MACROD2: variants seen among roughly 807,000 people sequenced by gnomAD.
MACROD2 encodes mono-ADP ribosylhydrolase 2.
In MACROD2, 36 loss-of-function variants were observed where a neutral mutation model predicts 70.4. The observed-to-expected ratio is 0.51, with a 90% CI of 0.39 to 0.68. The LOEUF (loss-of-function observed/expected upper bound fraction) is 0.68. Ranked by LOEUF, MACROD2 falls within the 30% of genes least tolerant of loss-of-function variation. The pLI is 0.00. For missense variants in MACROD2, 496 were observed against 538.4 expected (o/e 0.92, Z 0.78); for synonymous variants, 172 against 178.8 (o/e 0.96, Z 0.30).
chr20:15,416,618 G>T (rs1006819694), intron 6 of MACROD2, among the ~76,000 whole-genome samples: 1 of 152,142 alleles, frequency 6.6e-6, no homozygotes, highest in Non-Finnish European at 1.5e-5. Flanking sequence ...AAAAGTGGCT[G>T]TATTGGCTGG....
At position 14,950,142 on chromosome 20, in the gene MACROD2, C is replaced by T. The variant is rs1488130921; in HGVS notation, c.418+265183C>T. ...TTCTGAAAAATCTAATTCTTGAAAA[C>T]GTGGGGCCAGGTTGAAGAGACAGGG... is the stretch of plus-strand genomic sequence containing the variant. On this transcript the variant is annotated intron_variant, in intron 5 of 17. Coordinates refer to ENST00000684519, the MANE Select transcript of MACROD2 (RefSeq NM_001351661.2). Among the ~76,000 whole-genome samples, 4 of 151,990 alleles carry T rather than the reference C, an allele frequency of 2.6e-5. 1 individual carries two copies. Among genetic ancestry groups the T allele is most frequent in the Non-Finnish European group, 5.9e-5 (4 of 68,010 alleles).
intron 13 of MACROD2, among the ~76,000 whole-genome samples, chr20:15,978,415 C>T (rs1218874469): frequency 3.3e-5 from 5 of 152,126 alleles, no homozygotes; most frequent in African/African-American, 1.2e-4. Context: ...TTGTAAATTC[C>T]TATATTGTAA....
intron 3 of MACROD2, among the ~76,000 whole-genome samples, chr20:14,152,428 ATTT>A (rs5840595): frequency 8.6e-5 from 11 of 127,426 alleles, no homozygotes; most frequent in Admixed American, 7.7e-5. Context: ...TCTCCTCTAC[ATTT>A]TTTTTTTTTT....
At chr20:15,241,938 A>C (rs1444079479) in intron 6 of MACROD2, among the ~76,000 whole-genome samples, 2 of 152,158 alleles carry the variant, frequency 1.3e-5, no homozygotes, top group Admixed American at 6.6e-5. Context: ...CATTAGGTTC[A>C]GGCTTTATTT....
intron 5 of MACROD2, among the ~76,000 whole-genome samples, chr20:15,179,563 C>T (rs2076486009): frequency 6.6e-6 from 1 of 152,182 alleles, no homozygotes; most frequent in Non-Finnish European, 1.5e-5. Context: ...ACCCTGCTTA[C>T]AAGACAGCTC....
chr20:15,768,557 C>T (rs1023085240), intron 8 of MACROD2, among the ~76,000 whole-genome samples: 1 of 152,162 alleles, frequency 6.6e-6, no homozygotes, highest in African/African-American at 2.4e-5. Flanking sequence ...CATTACCGCA[C>T]ACTGCTGTAG....
chr20:15,824,540 A>G lies in MACROD2; in HGVS notation c.646-38205A>G, dbSNP rs962769542. Among the ~76,000 whole-genome samples the G allele has an allele frequency of 2.6e-5, 4 of 152,136 alleles. No homozygotes were observed. In the East Asian group the frequency reaches 5.8e-4, roughly 22 times the overall value. On this transcript the variant is annotated intron_variant, in intron 8 of 17. Coordinates refer to ENST00000684519, the MANE Select transcript of MACROD2 (RefSeq NM_001351661.2). ...TTCACCCTTTATGCCCAGTCTGTGAAGTTCACTGCATGGTTACTGCAGCCT... is the reference window on the plus strand; with the variant it reads ...TTCACCCTTTATGCCCAGTCTGTGAGGTTCACTGCATGGTTACTGCAGCCT...
intron 3 of MACROD2, among the ~76,000 whole-genome samples, chr20:14,365,933 C>G (rs2083267687): frequency 6.6e-6 from 1 of 151,920 alleles, no homozygotes; most frequent in African/African-American, 2.4e-5. Flanking sequence ...TGTTATTGAT[C>G]TCTAGCTTCA....
intron 5 of MACROD2, among the ~76,000 whole-genome samples, chr20:15,155,516 T>TC (rs1230690086): frequency 6.6e-6 from 1 of 152,190 alleles, no homozygotes; most frequent in Non-Finnish European, 1.5e-5. Context: ...TCCTTTCCTT[T>TC]CTTCAGATTC....
chr20:14,430,369 G>C (rs529816860), intron 3 of MACROD2, among the ~76,000 whole-genome samples: 50 of 152,150 alleles, frequency 3.3e-4, no homozygotes, highest in Admixed American at 2.0e-3. Flanking sequence ...GAACATCTAG[G>C]AGACGGTTCT....
intron 3 of MACROD2, among the ~76,000 whole-genome samples, chr20:14,490,749 A>G (rs2084784879): frequency 6.6e-6 from 1 of 152,178 alleles, no homozygotes; most frequent in Admixed American, 6.5e-5. Context: ...AGGGACATAA[A>G]TATATTTTAG....
At chr20:15,754,797 T>C (rs1393157476) in intron 8 of MACROD2, among the ~76,000 whole-genome samples, 2 of 151,778 alleles carry the variant, frequency 1.3e-5, no homozygotes, top group Non-Finnish European at 2.9e-5. Context: ...TAATCTATGT[T>C]AGAATCACCT....
intron 3 of MACROD2, among the ~76,000 whole-genome samples, chr20:14,303,402 A>G (rs1206716416): frequency 6.6e-6 from 1 of 152,164 alleles, no homozygotes; most frequent in Non-Finnish European, 1.5e-5. Context: ...CAGTATTCAC[A>G]TCCCTTAGAT....
chr20:14,523,160 G>A (rs942780459), intron 4 of MACROD2, among the ~76,000 whole-genome samples: 5 of 152,016 alleles, frequency 3.3e-5, no homozygotes, highest in South Asian at 2.1e-4. Context: ...TAGAAAAAAG[G>A]AAGCAAAGGG....
chr20:14,305,704 G>GA (rs762366218), intron 3 of MACROD2, among the ~76,000 whole-genome samples: 13 of 151,812 alleles, frequency 8.6e-5, no homozygotes, highest in Admixed American at 1.3e-4. Context: ...TTAAATTGCA[G>GA]AAAAAAATAA....
chr20:14,051,946 G>A (rs2053573025), intron 2 of MACROD2: 1 of 516,804 alleles, frequency 1.9e-6, no homozygotes, highest in South Asian at 1.4e-5. Flanking sequence ...GGTTGAAGAA[G>A]TGGTGGAGGA....
intron 10 of MACROD2, among the ~76,000 whole-genome samples, chr20:15,891,171 A>C (rs2064884339): frequency 6.6e-6 from 1 of 152,178 alleles, no homozygotes; most frequent in African/African-American, 2.4e-5. Flanking sequence ...TTGATCTGAG[A>C]TTCAAAGGGT....
rs150613008 is a variant in MACROD2 at position 14,455,962 on chromosome 20, C to G, written c.272-37517C>G. 2.7e-4 allele frequency among the ~76,000 whole-genome samples: 41 copies of G among 151,744 alleles called. No individual in the cohort carries two copies. The East Asian group carries it at 7.4e-3, about 27-fold the overall frequency. On this transcript the variant is annotated intron_variant, in intron 3 of 17. Coordinates refer to ENST00000684519, the MANE Select transcript of MACROD2 (RefSeq NM_001351661.2). ...TGTCTCAGTCTTTGGGAAACACTGGCTTAAACAATCAATTACTAGGGAGTT... is the reference window on the plus strand; with the variant it reads ...TGTCTCAGTCTTTGGGAAACACTGGGTTAAACAATCAATTACTAGGGAGTT...
intron 5 of MACROD2, among the ~76,000 whole-genome samples, chr20:15,136,563 A>C (rs992281275): frequency 1.9e-4 from 29 of 152,332 alleles, no homozygotes; most frequent in South Asian, 4.1e-4. Flanking sequence ...AAATTAATTC[A>C]AGATGGATTA....
Sources: allele counts gnomAD v4.1 joint callset (sites outside exome capture counted in the v4.1 genomes callset), GRCh38; gene constraint gnomAD v4.1.1; transcripts MANE v1.5; gene names NCBI Gene and HGNC (gene_info 2026-07-23, HGNC 2026-07-21).